Variants in ANO2 observed in about 807,000 individuals in gnomAD.
ANO2 encodes anoctamin-2.
Under a neutral mutation model 124.2 loss-of-function variants are expected in ANO2, and 101 were observed. The ratio of observed to expected loss-of-function variants is 0.81; its 90% CI spans 0.69 to 0.96. The LOEUF (loss-of-function observed/expected upper bound fraction) is 0.96. Among genes scored for constraint, ANO2 ranks in the 40% least tolerant of loss-of-function variants. The pLI, the probability that ANO2 is intolerant of heterozygous loss-of-function variation, is 0.00. For missense variants in ANO2, 1,293 were observed against 1,274.5 expected, an observed-to-expected ratio of 1.01 and a Z score of -0.22; for synonymous variants, 486 against 482.5, an observed-to-expected ratio of 1.01 and a Z score of -0.09.
intron 14 of ANO2, among the ~76,000 whole-genome samples, chr12:5,708,804 A>G (rs533479715): frequency 3.9e-5 from 6 of 152,294 alleles, no homozygotes; most frequent in African/African-American, 1.4e-4. Context: ...AGCTCCTACT[A>G]AGTCTTAGTT....
intron 5 of ANO2, among the ~76,000 whole-genome samples, 172 bp downstream of exon 5, chr12:5,832,280 G>A (rs1222967593): frequency 6.6e-6 from 1 of 152,108 alleles, no homozygotes; most frequent in African/African-American, 2.4e-5. Context: ...CATGGGGAGG[G>A]GGTTCACAAA....
chr12:5,631,821 A>G (rs189515160), intron 16 of ANO2, among the ~76,000 whole-genome samples: 11 of 152,224 alleles, frequency 7.2e-5, no homozygotes, highest in African/African-American at 2.2e-4. Flanking sequence ...GTGGGAAGAA[A>G]GTAGCTGAGA....
intron 10 of ANO2, among the ~76,000 whole-genome samples, chr12:5,774,014 C>T (rs998769279): frequency 1.3e-5 from 2 of 152,210 alleles, no homozygotes; most frequent in African/African-American, 4.8e-5. Context: ...ATTACTGTGG[C>T]CTTCTTGCTC....
At chr12:5,875,972 C>T (rs188429700) in intron 3 of ANO2, among the ~76,000 whole-genome samples, 3 of 152,110 alleles carry the variant, frequency 2.0e-5, no homozygotes, top group Admixed American at 6.5e-5. Flanking sequence ...GGTATTTTAC[C>T]GGGTAGAGAG....
Position 5,827,649 on chromosome 12 carries a change from C to T in ANO2, c.892+120G>A, listed in dbSNP as rs548130790. The T allele has an allele frequency of 4.6e-4, 558 of 1,222,720 alleles. 5 individuals carry two copies. The African/African-American group carries it at 7.5e-3, about 16-fold the overall frequency. The allele number at this position is 1,222,720 out of a possible 1,614,324, so 75.7% of individuals were successfully genotyped here. ...CTTCTCAGCCCAAGCTAAGCAGCCT[C>T]TCCGTGGGGGGCATTTGCTTGTTTT... On this transcript the variant is annotated intron_variant, in intron 7 of 24. Coordinates refer to ENST00000682330, the MANE Select transcript of ANO2 (RefSeq NM_001364791.2).
At chr12:5,622,825 G>A (rs148692938) in intron 16 of ANO2, among the ~76,000 whole-genome samples, 7 of 152,146 alleles carry the variant, frequency 4.6e-5, no homozygotes, top group African/African-American at 9.6e-5. Flanking sequence ...TTAGCTGGGC[G>A]TGGTGGTATG....
chr12:5,884,898 C>G (rs939413327), intron 3 of ANO2, among the ~76,000 whole-genome samples: 2 of 147,984 alleles, frequency 1.4e-5, no homozygotes, highest in South Asian at 4.3e-4. Flanking sequence ...AGCAAGAACA[C>G]CCCCTGCCCA....
intron 14 of ANO2, among the ~76,000 whole-genome samples, chr12:5,727,961 C>A (rs1950508407): frequency 6.6e-6 from 1 of 152,108 alleles, no homozygotes; most frequent in African/African-American, 2.4e-5. Context: ...CGCCCGCCAC[C>A]ACGCCCAGCT....
At chr12:5,727,888 G>A (rs1423998198) in intron 14 of ANO2, among the ~76,000 whole-genome samples, 1 of 151,390 alleles carries the variant, frequency 6.6e-6, no homozygotes, top group African/African-American at 2.4e-5. Flanking sequence ...CTCACTGCAA[G>A]CTCTGCCTCC....
intron 14 of ANO2, among the ~76,000 whole-genome samples, chr12:5,727,677 AC>A (rs1391800560): frequency 4.3e-5 from 5 of 117,288 alleles, no homozygotes; most frequent in Non-Finnish European, 6.6e-5. Flanking sequence ...TCACTCTGCC[AC>A]CCAGGCTGGA....
At chr12:5,876,487 C>T (rs1015359457) in intron 3 of ANO2, among the ~76,000 whole-genome samples, 27 of 152,218 alleles carry the variant, frequency 1.8e-4, no homozygotes, top group East Asian at 5.8e-4. Context: ...TGGGTATAAA[C>T]GCAAAGGATT....
chr12:5,733,099 A>C, intron 13 of ANO2: 1 of 605,358 alleles, frequency 1.7e-6, no homozygotes, highest in Non-Finnish European at 3.0e-6. Flanking sequence ...GCAACAACAA[A>C]ACTCCTTCCC....
upstream of ANO2, chr12:5,946,035 C>A (rs1565803416): frequency 7.7e-7 from 1 of 1,293,260 alleles, no homozygotes; most frequent in Non-Finnish European, 1.1e-6. This position sits in a 1 kb window ranked among gnomAD's most constrained non-coding sequence, Gnocchi z 4.1. Flanking sequence ...CCCTTCTGCA[C>A]GATGGAATCT....
intron 7 of ANO2, among the ~76,000 whole-genome samples, chr12:5,818,449 A>T (rs1455244058): frequency 9.4e-3 from 9 of 962 alleles, no homozygotes; most frequent in Non-Finnish European, 0.01. Flanking sequence ...AACTCATATT[A>T]TATATATATA....
At chr12:5,626,629 C>G (rs1377640431) in intron 16 of ANO2, among the ~76,000 whole-genome samples, 1 of 151,454 alleles carries the variant, frequency 6.6e-6, no homozygotes, top group Non-Finnish European at 1.5e-5. Flanking sequence ...CAGCAGGAAA[C>G]AATTCCCCTT....
At chr12:5,584,582 T>C (rs963370140) in intron 20 of ANO2, among the ~76,000 whole-genome samples, 5 of 152,172 alleles carry the variant, frequency 3.3e-5, no homozygotes, top group African/African-American at 7.2e-5. Flanking sequence ...TACATACTTA[T>C]GTAAGAGCAC....
chr12:5,879,253 G>A (rs1938322391), intron 3 of ANO2, among the ~76,000 whole-genome samples: 1 of 142,536 alleles, frequency 7.0e-6, no homozygotes, highest in South Asian at 2.2e-4. Context: ...CCGCAGGCAG[G>A]TAAATAAGAA....
chr12:5,765,707 A>T (rs1054672751), intron 10 of ANO2, among the ~76,000 whole-genome samples: 1 of 152,246 alleles, frequency 6.6e-6, no homozygotes, highest in South Asian at 2.1e-4. Context: ...ACTTCTGGTT[A>T]TCTCATTCTG....
At chr12:5,872,086 C>T (rs1002657749) in intron 3 of ANO2, among the ~76,000 whole-genome samples, 6 of 152,328 alleles carry the variant, frequency 3.9e-5, no homozygotes, top group Non-Finnish European at 8.8e-5. Flanking sequence ...TCAGCCAGCT[C>T]TTAATGGGGA....
Sources: allele counts gnomAD v4.1 joint callset (sites outside exome capture counted in the v4.1 genomes callset), GRCh38; gene constraint gnomAD v4.1.1; non-coding constraint Gnocchi (gnomAD v3.1); transcripts MANE v1.5; gene names NCBI Gene and HGNC (gene_info 2026-07-23, HGNC 2026-07-21).